Variants in ARPP21 observed in about 807,000 individuals in gnomAD.
The protein encoded by ARPP21 is cAMP regulated phosphoprotein 21, also known as cAMP-regulated phosphoprotein 21.
A neutral mutation model predicts 113.2 loss-of-function variants in ARPP21; 69 were observed. The observed-to-expected ratio is 0.61, with a 90% confidence interval of 0.50 to 0.74. The LOEUF (loss-of-function observed/expected upper bound fraction) is 0.74, where lower values mean the gene tolerates loss of function less well. Among genes scored for constraint, ARPP21 ranks in the 30% least tolerant of loss-of-function variants. ARPP21 has a pLI of 0.00. For missense variants in ARPP21, 1,070 were observed against 1,037.4 expected (o/e 1.03, Z -0.43); for synonymous variants, 368 against 375.5 (o/e 0.98, Z 0.23).
In ARPP21 at chr3:35,689,377, T is replaced by A. The variant is rs747977317; in HGVS notation, c.477T>A (p.Asn159Lys). The A allele has an allele frequency of 6.8e-7, 1 of 1,468,408 alleles. No homozygotes were observed. Among genetic ancestry groups the A allele is most frequent in the Non-Finnish European group, 9.5e-7 (1 of 1,048,568 alleles). 91.0% of individuals were successfully genotyped at this position (1,468,408 alleles called of 1,614,324 possible). The change falls in exon 7 of 21, where the codon AAT (asparagine) becomes AAA (lysine). Residue 159 changes from asparagine (N) to lysine (K), a missense_variant. Asn to Lys is a moderately conservative substitution (Grantham distance 94). Transcript: ENST00000684406. ...LHEFLINTLK[N>K]NSRDRMILLK... Reference sequence around the variant, plus strand: ...AGTTTCTGATTAACACATTAAAGAATAATTCCAGGTAAATTATTAAATGAG... The same window carrying A: ...AGTTTCTGATTAACACATTAAAGAAAAATTCCAGGTAAATTATTAAATGAG...
At chr3:35,774,447 G>C (rs1469018713) in intron 19 of ARPP21, among the ~76,000 whole-genome samples, 1 of 152,080 alleles carries the variant, frequency 6.6e-6, no homozygotes, top group East Asian at 1.9e-4. Context: ...ACATTGAATT[G>C]CTCTTTATCA....
intron 18 of ARPP21, among the ~76,000 whole-genome samples, chr3:35,739,802 C>T (rs564421100): frequency 6.6e-6 from 1 of 152,236 alleles, no homozygotes; most frequent in African/African-American, 2.4e-5. Flanking sequence ...CCCATGAAAA[C>T]AACAGGGGAA....
chr3:35,743,402 GGGGT>G (rs2094799578), intron 18 of ARPP21, among the ~76,000 whole-genome samples: 1 of 152,160 alleles, frequency 6.6e-6, no homozygotes, highest in South Asian at 2.1e-4. Flanking sequence ...CCATATGGCT[GGGGT>G]GGCTTGACTA....
intron 1 of ARPP21, among the ~76,000 whole-genome samples, chr3:35,678,476 G>A (rs1338062263): frequency 6.6e-6 from 1 of 151,864 alleles, no homozygotes; most frequent in Non-Finnish European, 1.5e-5. Context: ...GATCAAAATT[G>A]AAAAACTAAA....
At chr3:35,667,962 AGAAG>A (rs2075095420) in intron 1 of ARPP21, among the ~76,000 whole-genome samples, 11 of 84,194 alleles carry the variant, frequency 1.3e-4, no homozygotes, top group African/African-American at 4.3e-4. Context: ...AAGAAGAAGA[AGAAG>A]AAGAAGAAGA....
chr3:35,692,375 G>A (rs542935941), intron 9 of ARPP21, among the ~76,000 whole-genome samples: 1 of 151,696 alleles, frequency 6.6e-6, no homozygotes, highest in South Asian at 2.1e-4. Flanking sequence ...ACTCTTTGTT[G>A]TTGTTGTGTT....
In ARPP21 at chr3:35,672,238, T is replaced by A. The variant is rs527432681; in HGVS notation, c.-212-7549T>A. On this transcript the variant is annotated intron_variant, in intron 1 of 20. Coordinates refer to ENST00000684406, the MANE Select transcript of ARPP21 (RefSeq NM_001385562.1). ...CACCATCTCTTTCCTTTCCCCGGTA[T>A]CCTATCCAGAAGGCCACAAAATATT... 2.6e-5 allele frequency among the ~76,000 whole-genome samples: 4 copies of A among 151,980 alleles called. No homozygotes were observed. The South Asian group carries it at 8.3e-4, about 32-fold the overall frequency.
At chr3:35,745,792 G>A (rs1427848082) in intron 19 of ARPP21, among the ~76,000 whole-genome samples, 1 of 152,082 alleles carries the variant, frequency 6.6e-6, no homozygotes, top group Non-Finnish European at 1.5e-5. Context: ...GAGAATTTAG[G>A]GATGTGGAAA....
At chr3:35,711,832 G>T (rs1037112651) in intron 11 of ARPP21, among the ~76,000 whole-genome samples, 1 of 152,204 alleles carries the variant, frequency 6.6e-6, no homozygotes, top group Admixed American at 6.6e-5. Flanking sequence ...CCTGAAGAAA[G>T]TGATTTAAGG....
chr3:35,668,224 TA>T (rs1197572648), intron 1 of ARPP21, among the ~76,000 whole-genome samples: 1 of 152,188 alleles, frequency 6.6e-6, no homozygotes, highest in Admixed American at 6.5e-5. Flanking sequence ...TGGAAGTGTA[TA>T]TTTTTTAATA....
intron 19 of ARPP21, among the ~76,000 whole-genome samples, chr3:35,748,269 A>G (rs1337883946): frequency 6.7e-6 from 1 of 148,368 alleles, no homozygotes; most frequent in Non-Finnish European, 1.5e-5. Flanking sequence ...AAGGAGAGAG[A>G]GAAAGAAAGA....
intron 19 of ARPP21, among the ~76,000 whole-genome samples, chr3:35,761,771 G>C (rs1286863158): frequency 6.6e-6 from 1 of 152,082 alleles, no homozygotes. Flanking sequence ...AAAGCTGTGA[G>C]CAAAAGAGCT....
chr3:35,786,718 G>C (rs958617683), intron 19 of ARPP21, among the ~76,000 whole-genome samples: 1 of 151,970 alleles, frequency 6.6e-6, no homozygotes, highest in Non-Finnish European at 1.5e-5. Flanking sequence ...GAGTAAGATA[G>C]AGGCTATAAA....
At position 35,689,986 on chromosome 3, in the gene ARPP21, A is replaced by G. The variant is rs1476263371; in HGVS notation, c.486-95A>G. The G allele has an allele frequency of 5.8e-6, 4 of 692,156 alleles. No homozygotes were observed. In the Admixed American group the frequency reaches 6.2e-5, roughly 11 times the overall value. 42.9% of individuals were successfully genotyped at this position (692,156 alleles called of 1,614,324 possible). On this transcript the variant is annotated intron_variant, in intron 7 of 20. Coordinates refer to ENST00000684406, the MANE Select transcript of ARPP21 (RefSeq NM_001385562.1). ...TAGGTATAAGTTTGTAGCAGCATAC[A>G]TTTAAGTAATCTTTTCCATACATTT...
chr3:35,790,158 T>C (rs747161840), intron 19 of ARPP21, among the ~76,000 whole-genome samples: 3 of 152,180 alleles, frequency 2.0e-5, no homozygotes, highest in Admixed American at 6.5e-5. Flanking sequence ...TAAACAAATA[T>C]AATCCAAAGT....
intron 19 of ARPP21, 65 bp downstream of exon 19, chr3:35,744,030 C>T: frequency 6.4e-7 from 1 of 1,563,346 alleles, no homozygotes; most frequent in Non-Finnish European, 8.8e-7. Context: ...ATCTTGTACT[C>T]TTTGGATGAG....
At chr3:35,673,888 A>T (rs1251232667) in intron 1 of ARPP21, among the ~76,000 whole-genome samples, 1 of 151,992 alleles carries the variant, frequency 6.6e-6, no homozygotes, top group East Asian at 1.9e-4. Context: ...ATTACTATTA[A>T]AATTAGTATT....
intron 1 of ARPP21, chr3:35,642,156 G>A (rs1179953418): frequency 1.3e-5 from 2 of 152,166 alleles, no homozygotes; most frequent in Non-Finnish European, 2.9e-5. Flanking sequence ...GACCAAGACA[G>A]AATTGTATGT....
intron 12 of ARPP21, chr3:35,715,854 G>T: frequency 6.3e-6 from 1 of 157,758 alleles, no homozygotes; most frequent in Non-Finnish European, 1.4e-5. Flanking sequence ...GCATATATTT[G>T]GTATTATTGG....
Sources: allele counts gnomAD v4.1 joint callset (sites outside exome capture counted in the v4.1 genomes callset), GRCh38; gene constraint gnomAD v4.1.1; transcripts MANE v1.5; gene names NCBI Gene and HGNC (gene_info 2026-07-23, HGNC 2026-07-21).